Variants in OBSL1 observed in about 807,000 individuals in gnomAD.
OBSL1 encodes obscurin-like protein 1.
Under a neutral mutation model 172.0 loss-of-function variants are expected in OBSL1, and 160 were observed. That is an observed-to-expected ratio of 0.93 (90% CI 0.82 to 1.06). The LOEUF is 1.06. Ranked by LOEUF, OBSL1 falls within the 50% of genes least tolerant of loss-of-function variation. The pLI, the probability that OBSL1 is intolerant of heterozygous loss-of-function variation, is 0.00. For missense variants in OBSL1, 2,681 were observed against 2,715.4 expected, an observed-to-expected ratio of 0.99 and a Z score of 0.28; for synonymous variants, 1,200 against 1,196.3, an observed-to-expected ratio of 1.00 and a Z score of -0.06.
rs757937980 is a variant in OBSL1, at chr2:219,559,307, T to TAGCA, written c.3140_3143dup (p.Pro1049AlafsTer15). ...CCCCGTCCTCGGGCTGAGCAGCAGG[T>TAGCA]AGCACCAGGCGGCAGCGTGGCCCAT... On this transcript the variant is annotated frameshift_variant, in exon 9 of 21. Coordinates refer to ENST00000404537, the MANE Select transcript of OBSL1 (RefSeq NM_015311.3). LOFTEE classifies it high-confidence loss of function. 8.7e-6 allele frequency: 14 copies of TAGCA among 1,613,788 alleles called. No individual in the cohort carries two copies. Among genetic ancestry groups the TAGCA allele is most frequent in the Middle Eastern group, 3.3e-4 (2 of 6,084 alleles).
rs759927618 is a variant in OBSL1, at chr2:219,562,710, G to A, written c.2681-36C>T. On this transcript the variant is annotated intron_variant, in intron 7 of 20. Transcript: ENST00000404537. ...GGGACAGCCACTGCCGGGCATGAGGGGTGTGCCCTGCCGTCCTCCCTGACC... is the reference window on the plus strand; with the variant it reads ...GGGACAGCCACTGCCGGGCATGAGGAGTGTGCCCTGCCGTCCTCCCTGACC... 10 of 1,516,690 alleles carry A rather than the reference G, an allele frequency of 6.6e-6. No homozygotes were observed. The East Asian group carries it at 1.5e-4, about 22-fold the overall frequency. The allele number at this position is 1,516,690 out of a possible 1,614,324, so 94.0% of individuals were successfully genotyped here.
chr2:219,551,576 C>A lies in OBSL1; in HGVS notation c.5636G>T (p.Cys1879Phe). The stretch of plus-strand genomic sequence containing the variant: ...GGTGCTGTCCTGGCCGGCCTGGCAG[C>A]AGTAAGTGCCTTGGTCCTCAGGTCG... Reference protein sequence around the residue: ...DVRPEDQGTYCCQAGQDSTHT... With the variant: ...DVRPEDQGTYFCQAGQDSTHT... The change falls in exon 20 of 21, where the codon TGC becomes TTC. Residue 1879 changes from cysteine to phenylalanine, a missense_variant. Transcript: ENST00000404537. The A allele has an allele frequency of 6.2e-7, 1 of 1,606,236 alleles. No homozygotes were observed.
downstream of OBSL1, chr2:219,548,031 G>C: frequency 6.3e-7 from 1 of 1,587,530 alleles, no homozygotes; most frequent in East Asian, 2.3e-5. Context: ...AGCCTGATGG[G>C]CGTTCTGGTG....
rs780806763 is a variant in OBSL1 at position 219,552,964 on chromosome 2, G to T, written c.5050C>A (p.Leu1684Ile). 1.3e-6 allele frequency: 2 copies of T among 1,532,562 alleles called. No individual in the cohort carries two copies. Among genetic ancestry groups the T allele is most frequent in the African/African-American group, 1.4e-5 (1 of 71,620 alleles). The allele number at this position is 1,532,562 out of a possible 1,614,324, so 94.9% of individuals were successfully genotyped here. A position where few individuals can be genotyped will look rare whatever the true frequency, so the allele number is the denominator to read the frequency against. Residue 1684 changes from leucine (L) to isoleucine (I), a missense_variant, in exon 17 of 21, where the codon CTT (leucine) becomes ATT (isoleucine). By Grantham distance (5) the Leu-to-Ile change is conservative (BLOSUM62 2). This residue lies in a region of OBSL1 where 1,765 missense variants were observed against 1,748.3 expected (regional missense o/e 1.01). Transcript: ENST00000404537. Reference sequence around the variant, plus strand: ...GGGCCGCAGCGTCGCAGCTGGAGAAGGCGGCGCGTGCCGAGGGCCTGGAGC... The same window carrying T: ...GGGCCGCAGCGTCGCAGCTGGAGAATGCGGCGCGTGCCGAGGGCCTGGAGC... ...LRLQALGTRR[L>I]LQLRRCGPSD...
At position 219,568,405 on chromosome 2, in the gene OBSL1, C is replaced by T; in HGVS notation, c.1013-81G>A. On this transcript the variant is annotated intron_variant, in intron 1 of 20. Transcript: ENST00000404537. This position sits in a 1 kb window ranked among gnomAD's most constrained non-coding sequence, Gnocchi z 4.1. ...AGTAGGATACCTAGAAGCGCATTAG[C>T]TCATGCTGTGTGCTCTTCATGCAGA... The T allele has an allele frequency of 4.5e-6, 6 of 1,336,716 alleles. No homozygotes were observed. The highest frequency in any genetic ancestry group is 6.1e-6 in the Non-Finnish European group (6 of 990,188). The allele number at this position is 1,336,716 out of a possible 1,614,324, so 82.8% of individuals were successfully genotyped here.
At chr2:219,555,844 T>G in intron 14 of OBSL1, 176 bp downstream of exon 14, 3 of 1,419,370 alleles carry the variant, frequency 2.1e-6, no homozygotes, top group South Asian at 1.7e-5. Flanking sequence ...CTAAGGTAAA[T>G]AAAAAATATT....
rs758248466 is a variant in OBSL1, at chr2:219,565,403, C to T, written c.2246G>A (p.Trp749Ter). Residue 749 changes from tryptophan to a stop codon, truncating the protein, a stop_gained, in exon 6 of 21, where the codon TGG becomes TAG. Transcript: ENST00000404537. LOFTEE classifies it high-confidence loss of function. ...ELSRVDFPAT[W>*]YKDGQKVEES... The stretch of plus-strand genomic sequence containing the variant: ...CTCCACCTTCTGCCCATCCTTGTAC[C>T]AGGTTGCCGGGAAGTCCACCCTTGA... 1.9e-6 allele frequency: 3 copies of T among 1,613,892 alleles called. No individual in the cohort carries two copies. The highest frequency in any genetic ancestry group is 1.7e-6 in the Non-Finnish European group (2 of 1,179,904).
At chr2:219,552,745 C>G (rs1022752312) in intron 17 of OBSL1, 48 bp from the exon 18 acceptor site, 9 of 1,511,222 alleles carry the variant, frequency 6.0e-6, no homozygotes, top group Non-Finnish European at 7.1e-6. Context: ...AGGGCAGTTA[C>G]CGGTCACGCC....
At chr2:219,553,845 G>C (rs542466364) in intron 15 of OBSL1, among the ~76,000 whole-genome samples, 159 bp from the exon 16 acceptor site, 8 of 152,090 alleles carry the variant, frequency 5.3e-5, no homozygotes, top group African/African-American at 1.9e-4. Flanking sequence ...TGTCAGTGGT[G>C]GGGGTGGGGG....
rs1559140771 is a variant in OBSL1, at chr2:219,558,074, G to C, written c.3539C>G (p.Pro1180Arg). The change falls in exon 11 of 21, where the codon CCA becomes CGA. Residue 1180 changes from proline (P) to arginine (R), a missense_variant. Pro to Arg is a moderately radical substitution (Grantham distance 103, BLOSUM62 -2). Around this residue, in one of 5 missense-constraint regions of OBSL1, gnomAD observed 1,765 missense variants for 1,748.3 expected, o/e 1.01. Coordinates refer to ENST00000404537, the MANE Select transcript of OBSL1 (RefSeq NM_015311.3). ...PVQFLALETT[P>R]SPLCVAPGEP... Reference sequence around the variant, plus strand: ...CCCAGGGGCCACACAGAGCGGGCTTGGAGTTGTCTCTAGAGCAAGGAACTG... The same window carrying C: ...CCCAGGGGCCACACAGAGCGGGCTTCGAGTTGTCTCTAGAGCAAGGAACTG... 1.1e-5 allele frequency: 18 copies of C among 1,613,748 alleles called. No individual in the cohort carries two copies. The highest frequency in any genetic ancestry group is 1.5e-5 in the Non-Finnish European group (18 of 1,179,864).
chr2:219,557,835 C>T lies in OBSL1; in HGVS notation c.3778G>A (p.Val1260Ile), dbSNP rs574241084. Residue 1260 changes from valine to isoleucine, a missense_variant, in exon 11 of 21, where the codon GTC becomes ATC. Transcript: ENST00000404537. ...APGAPSLSFT[V>I]QVAEPPVRVV... ...AGGCTGTACTCACCAGCCACCTGGA[C>T]GGTGAAGCTGAGGCTTGGGGCTCCG... is the stretch of plus-strand genomic sequence containing the variant. 25 of 1,598,330 alleles carry T rather than the reference C, an allele frequency of 1.6e-5. No homozygotes were observed. The Middle Eastern group carries it at 6.7e-4, about 43-fold the overall frequency.
chr2:219,552,216 C>T lies in OBSL1; in HGVS notation c.5309G>A (p.Gly1770Glu), dbSNP rs770024007. 2 of 1,598,926 alleles carry T rather than the reference C, an allele frequency of 1.3e-6. No individual in the cohort carries two copies. The highest frequency in any genetic ancestry group is 1.7e-6 in the Non-Finnish European group (2 of 1,173,492). ...PGARVRIRQE[G>E]KKHILVLSEL... is the part of the protein sequence containing the mutation. ...GCTAAGCACCAGAATGTGTTTCTTC[C>T]CTGGGGGTGAGGGGGTCGCTAGCGA... The change falls in exon 19 of 21, where the codon GGG (glycine) becomes GAG (glutamate). Residue 1770 changes from glycine to glutamate, a missense_variant and splice_region_variant. Gly to Glu is a moderately conservative substitution (Grantham distance 98, BLOSUM62 -2). Around this residue, in one of 5 missense-constraint regions of OBSL1, gnomAD observed 1,765 missense variants for 1,748.3 expected, o/e 1.01. Transcript: ENST00000404537.
chr2:219,556,272 G>A lies in OBSL1; in HGVS notation c.4357C>T (p.Arg1453Trp), dbSNP rs367671330. ...TCTGCCCGCACATCCTGCAACCGCC[G>A]TAGGAACAGCAGCTCTGTCTCTGGT... ...HVRETELLFL[R>W]RLQDVRAEEG... Residue 1453 changes from arginine (R) to tryptophan (W), a missense_variant, in exon 14 of 21, where the codon CGG becomes TGG. By Grantham distance (101) the Arg-to-Trp change is moderately radical (BLOSUM62 -3). This residue lies in a region of OBSL1 where 1,765 missense variants were observed against 1,748.3 expected (regional missense o/e 1.01). Transcript: ENST00000404537. 27 of 1,588,764 alleles carry A rather than the reference G, an allele frequency of 1.7e-5. No homozygotes were observed. The highest frequency in any genetic ancestry group is 5.1e-5 in the Admixed American group (3 of 59,002).
intron 7 of OBSL1, 180 bp downstream of exon 7, chr2:219,563,175 A>G: frequency 1.6e-6 from 1 of 632,202 alleles, no homozygotes; most frequent in Non-Finnish European, 2.7e-6. Flanking sequence ...TGTGCTTATG[A>G]TAACACGTTT....
rs1473492166 is a variant in OBSL1 at position 219,563,371 on chromosome 2, G to C, written c.2664C>G (p.Phe888Leu). The C allele has an allele frequency of 1.3e-6, 2 of 1,583,764 alleles. No homozygotes were observed. Among genetic ancestry groups the C allele is most frequent in the East Asian group, 4.5e-5 (2 of 44,546 alleles). The change falls in exon 7 of 21, where the codon TTC becomes TTG. Residue 888 changes from phenylalanine (F) to leucine (L), a missense_variant. Physicochemically the swap from Phe to Leu is conservative, Grantham distance 22. Coordinates refer to ENST00000404537, the MANE Select transcript of OBSL1 (RefSeq NM_015311.3). Reference sequence around the variant, plus strand: ...GCCCCCCACCTGTGATGGTGACAGTGAAGTAGGCACACTCATCTCCAGCGA... The same window carrying C: ...GCCCCCCACCTGTGATGGTGACAGTCAAGTAGGCACACTCATCTCCAGCGA... ...QCVAGDECAY[F>L]TVTITDVSSW...
At chr2:219,560,293 A>C (rs1003909577) in intron 8 of OBSL1, among the ~76,000 whole-genome samples, 12 of 152,230 alleles carry the variant, frequency 7.9e-5, no homozygotes, top group Admixed American at 6.5e-5. Context: ...CCCCACAGGT[A>C]GTGGCAGGAA....
chr2:219,563,171 TATG>T, intron 7 of OBSL1, 181 bp downstream of exon 7: 1 of 620,572 alleles, frequency 1.6e-6, no homozygotes, highest in Non-Finnish European at 2.7e-6. Context: ...CCAATGTGCT[TATG>T]ATAACACGTT....
At position 219,563,346 on chromosome 2, in the gene OBSL1, G is replaced by GC. The variant is rs1559147645; in HGVS notation, c.2680+8dup. On this transcript the variant is annotated intron_variant, in intron 7 of 20. Coordinates refer to ENST00000404537, the MANE Select transcript of OBSL1 (RefSeq NM_015311.3). ...CCCCTGTGCCTCCGAGGCCCACCTG[G>GC]CCCCCCACCTGTGATGGTGACAGTG... 1 of 1,553,092 alleles carries GC rather than the reference G, an allele frequency of 6.4e-7. No homozygotes were observed. The highest frequency in any genetic ancestry group is 8.7e-7 in the Non-Finnish European group (1 of 1,145,346).
chr2:219,565,873 C>A lies in OBSL1; in HGVS notation c.2135-359G>T, dbSNP rs546945874. ...ATGCTGACAGTGAATCACCCCAAGA[C>A]CCCGTGCATGGGTGCCGACAGATTC... is the stretch of plus-strand genomic sequence containing the variant. On this transcript the variant is annotated intron_variant, in intron 5 of 20. Transcript: ENST00000404537. Among the ~76,000 whole-genome samples, 4 of 152,302 alleles carry A rather than the reference C, an allele frequency of 2.6e-5. No individual in the cohort carries two copies. The South Asian group carries it at 8.3e-4, about 32-fold the overall frequency.
Sources: gnomAD v4.1 joint callset for allele counts (sites outside exome capture counted in the v4.1 genomes callset) on GRCh38, gnomAD v4.1.1 for gene constraint, gnomAD v4.1.1 regional missense constraint, Gnocchi (gnomAD v3.1) non-coding constraint, MANE v1.5 for transcripts, NCBI Gene and HGNC (gene_info 2026-07-23, HGNC 2026-07-21) for gene names.